ABCA9: variants seen among roughly 807,000 people sequenced by gnomAD.
ABCA9 encodes the protein ATP binding cassette subfamily A member 9.
Under a neutral mutation model 205.3 loss-of-function variants are expected in ABCA9, and 183 were observed. That is an observed-to-expected ratio of 0.89 (90% confidence interval 0.79 to 1.01). ABCA9 has a LOEUF of 1.01. ABCA9 is among the 50% of genes least tolerant of loss of function. The pLI is 0.00. For synonymous variants in ABCA9, 651 were observed against 683.3 expected, an observed-to-expected ratio of 0.95 and a Z score of 0.74; for missense variants, 1,805 against 1,912.4, an observed-to-expected ratio of 0.94 and a Z score of 1.05.
intron 25 of ABCA9, among the ~76,000 whole-genome samples, chr17:68,996,347 T>C (rs572426690): frequency 2.0e-5 from 3 of 152,372 alleles, no homozygotes; most frequent in African/African-American, 7.2e-5. Context: ...CAATAGTTCA[T>C]AGACATCCTT....
intron 3 of ABCA9, 35 bp from the exon 4 acceptor site, chr17:69,045,371 C>A (rs1391991751): frequency 1.3e-6 from 2 of 1,580,130 alleles, no homozygotes; most frequent in African/African-American, 1.4e-5. Context: ...AATAGTTAAG[C>A]AAGAAAATCT....
intron 23 of ABCA9, among the ~76,000 whole-genome samples, chr17:69,009,828 T>A (rs900227231): frequency 1.4e-4 from 22 of 152,222 alleles, no homozygotes; most frequent in African/African-American, 5.1e-4. Context: ...TAGCCAGCTA[T>A]GAAGATGAGA....
intron 6 of ABCA9, among the ~76,000 whole-genome samples, chr17:69,036,895 A>AAAAAAAAAAAC: frequency 6.9e-6 from 1 of 145,886 alleles, no homozygotes; most frequent in Non-Finnish European, 1.5e-5. Flanking sequence ...AAAAAAAAAA[A>AAAAAAAAAAAC]AAAGCAGAGG....
intron 19 of ABCA9, among the ~76,000 whole-genome samples, chr17:69,019,090 A>G (rs1179201092): frequency 6.6e-6 from 1 of 152,054 alleles, no homozygotes; most frequent in Non-Finnish European, 1.5e-5. Flanking sequence ...CTATCATAGC[A>G]TCTTTATTGC....
At chr17:69,047,459 A>G (rs533265119) in intron 3 of ABCA9, among the ~76,000 whole-genome samples, 4 of 151,934 alleles carry the variant, frequency 2.6e-5, no homozygotes, top group African/African-American at 9.6e-5. Context: ...AAGAGAAAAC[A>G]AGTCCTTCCC....
At chr17:69,038,585 T>C (rs1015921990) in intron 6 of ABCA9, among the ~76,000 whole-genome samples, 16 of 152,144 alleles carry the variant, frequency 1.1e-4, no homozygotes, top group East Asian at 5.8e-4. Context: ...ATAACAGCTA[T>C]TTATGACAAA....
chr17:69,047,437 G>T (rs1047268142), intron 3 of ABCA9, among the ~76,000 whole-genome samples: 1 of 151,540 alleles, frequency 6.6e-6, no homozygotes, highest in African/African-American at 2.4e-5. Flanking sequence ...GGAAATATAA[G>T]AAAAACAAGT....
intron 1 of ABCA9, among the ~76,000 whole-genome samples, chr17:69,055,261 G>A (rs1291953910): frequency 1.3e-5 from 2 of 152,116 alleles, no homozygotes; most frequent in Non-Finnish European, 2.9e-5. Flanking sequence ...CATGAAACCA[G>A]CTTTAAATAT....
chr17:69,046,875 CTATATATATATATATATATATATA>C (rs71144650), intron 3 of ABCA9, among the ~76,000 whole-genome samples: 101 of 127,758 alleles, frequency 7.9e-4, no homozygotes, highest in African/African-American at 2.5e-3. Flanking sequence ...CGATTTTATA[CTATATATATATATATATATATATA>C]TATATATATA....
intron 1 of ABCA9, among the ~76,000 whole-genome samples, chr17:69,055,193 T>C (rs912517054): frequency 6.6e-6 from 1 of 152,068 alleles, no homozygotes; most frequent in Non-Finnish European, 1.5e-5. Flanking sequence ...AATGCACCAA[T>C]TAAAAGACAG....
chr17:69,016,098 G>T (rs1346129038), intron 22 of ABCA9, among the ~76,000 whole-genome samples, 155 bp downstream of exon 22: 1 of 71,886 alleles, frequency 1.4e-5, no homozygotes, highest in Non-Finnish European at 3.4e-5. Flanking sequence ...TTATATGTGT[G>T]TGTGTATATA....
At chr17:69,071,880 C>A in the ABCA9 span, among the ~76,000 whole-genome samples, 3 of 152,208 alleles carry the variant, frequency 2.0e-5, no homozygotes, top group East Asian at 5.8e-4. Context: ...ACTAGAATAA[C>A]CAGTTTAGAG....
rs184929537 is a variant in ABCA9, at chr17:68,985,041, C to A, written c.4284+12G>T. ...ACGGCACTTGCAGAGCAACAACAAG[C>A]CCTGCCCGTACCTTTCGCTTTATTC... is the stretch of plus-strand genomic sequence containing the variant. On this transcript the variant is annotated intron_variant, in intron 33 of 38. Coordinates refer to ENST00000340001, the MANE Select transcript of ABCA9 (RefSeq NM_080283.4). 6.2e-7 allele frequency: 1 copy of A among 1,614,220 alleles called. No homozygotes were observed.
At chr17:69,027,853 G>A (rs780929979) in intron 12 of ABCA9, 38 bp from the exon 13 acceptor site, 2 of 1,483,092 alleles carry the variant, frequency 1.3e-6, no homozygotes, top group South Asian at 1.2e-5. Context: ...TCAGGAAAAT[G>A]TGTCATGCTT....
chr17:68,983,918 CT>C, intron 35 of ABCA9, 69 bp from the exon 36 acceptor site: 2 of 1,608,008 alleles, frequency 1.2e-6, no homozygotes, highest in East Asian at 4.5e-5. Flanking sequence ...TGTTCAGCCT[CT>C]GGAGGCCAGA....
At chr17:69,029,927 T>C (rs1191378853) in intron 10 of ABCA9, among the ~76,000 whole-genome samples, 1 of 152,170 alleles carries the variant, frequency 6.6e-6, no homozygotes, top group African/African-American at 2.4e-5. Context: ...GAAAAATAAC[T>C]AATGGGTACT....
chr17:69,063,033 G>A (rs77793880), upstream of ABCA9, among the ~76,000 whole-genome samples: 9,312 of 151,990 alleles, frequency 0.061, 726 homozygotes, highest in African/African-American at 0.17. Flanking sequence ...CCCATTTTAC[G>A]GACCAGAAAG....
Position 68,976,140 on chromosome 17 carries a change from C to T in ABCA9, c.4771G>A (p.Glu1591Lys). 6.2e-7 allele frequency: 1 copy of T among 1,613,956 alleles called. No homozygotes were observed. The change falls in exon 38 of 39, where the codon GAG (glutamate) becomes AAG (lysine). Residue 1591 changes from glutamate to lysine, a missense_variant. Transcript: ENST00000340001. The stretch of plus-strand genomic sequence containing the variant: ...AATCACTAAAAATGACCCACCTGCT[C>T]CAGGGTAGACTGTGAGAGGCTGTAC... ...EEYSLSQSTL[E>K]QVFLELSKEQ...
chr17:69,045,443 G>A (rs2071679011), intron 3 of ABCA9, 107 bp from the exon 4 acceptor site: 1 of 492,194 alleles, frequency 2.0e-6, no homozygotes, highest in Non-Finnish European at 2.6e-6. Context: ...CTTCCTAAAG[G>A]CAGTGCTGGG....
Sources: allele counts gnomAD v4.1 joint callset (sites outside exome capture counted in the v4.1 genomes callset), GRCh38; gene constraint gnomAD v4.1.1; transcripts MANE v1.5; gene names NCBI Gene and HGNC (gene_info 2026-07-23, HGNC 2026-07-21).